Variants in SBF2 observed in about 807,000 individuals in gnomAD.
The protein encoded by SBF2 is SET binding factor 2.
A neutral mutation model predicts 225.2 loss-of-function variants in SBF2; 112 were observed. The observed-to-expected ratio is 0.50, with a 90% CI of 0.43 to 0.58. The LOEUF (loss-of-function observed/expected upper bound fraction) is 0.58. Ranked by LOEUF, SBF2 falls within the 20% of genes least tolerant of loss-of-function variation. The pLI is 0.00. For missense variants in SBF2, 1,996 were observed against 2,206.2 expected (o/e 0.90, Z 1.91); for synonymous variants, 763 against 773.3 (o/e 0.99, Z 0.22).
At chr11:9,989,984 T>A (rs1316268056) in intron 12 of SBF2, among the ~76,000 whole-genome samples, 1 of 152,222 alleles carries the variant, frequency 6.6e-6, no homozygotes, top group Non-Finnish European at 1.5e-5. Flanking sequence ...CTAGCTCTGC[T>A]GACAGTGTGT....
chr11:10,083,440 A>G (rs1951442072), intron 2 of SBF2, among the ~76,000 whole-genome samples: 1 of 152,220 alleles, frequency 6.6e-6, no homozygotes, highest in Admixed American at 6.5e-5. Context: ...ATCCTGAGCA[A>G]AAAGAACAAA....
intron 1 of SBF2, among the ~76,000 whole-genome samples, chr11:10,249,851 G>A (rs1396054931): frequency 7.3e-6 from 1 of 137,014 alleles, no homozygotes; most frequent in African/African-American, 2.7e-5. Flanking sequence ...CTATGGGGGA[G>A]TCCATAGCAT....
chr11:10,039,219 A>G (rs867903525), intron 3 of SBF2, among the ~76,000 whole-genome samples: 6 of 151,946 alleles, frequency 3.9e-5, no homozygotes, highest in Non-Finnish European at 2.9e-5. Context: ...AAAAAGAATT[A>G]AAAGATCTAT....
At chr11:10,213,240 T>C (rs1463497258) in intron 1 of SBF2, among the ~76,000 whole-genome samples, 1 of 152,170 alleles carries the variant, frequency 6.6e-6, no homozygotes, top group African/African-American at 2.4e-5. Context: ...ACACCCATCT[T>C]GGAGGATGTT....
intron 2 of SBF2, among the ~76,000 whole-genome samples, chr11:10,069,389 T>C (rs1442835918): frequency 7.1e-6 from 1 of 140,970 alleles, no homozygotes; most frequent in Non-Finnish European, 1.5e-5. Flanking sequence ...AATTCCCACC[T>C]ATGAGTGAGA....
upstream of SBF2, chr11:10,294,339 T>TGGGGGAGTGGGCGGTC: frequency 3.1e-6 from 1 of 326,956 alleles, no homozygotes; most frequent in Non-Finnish European, 5.6e-6. Flanking sequence ...ACTGCTGCGC[T>TGGGGGAGTGGGCGGTC]GGGGGAGTGG....
intron 1 of SBF2, among the ~76,000 whole-genome samples, chr11:10,210,147 A>T (rs571582317): frequency 6.6e-6 from 1 of 152,046 alleles, no homozygotes; most frequent in African/African-American, 2.4e-5. Flanking sequence ...CTCTACAAAA[A>T]GAACACAAAA....
rs147521818 is a variant in SBF2, at chr11:10,174,158, G to A, written c.141+19744C>T. Among the ~76,000 whole-genome samples, 1,422 of 152,206 alleles carry A rather than the reference G, an allele frequency of 9.3e-3. 21 individuals are homozygous for A. The highest frequency in any genetic ancestry group is 0.014 in the Non-Finnish European group (958 of 68,024). On this transcript the variant is annotated intron_variant, in intron 2 of 39. Transcript: ENST00000256190. ...CACCAGCAACGGAACAAAGCTGGAC[G>A]GAGAATGACTTTGACGAGCTGAGAC...
At chr11:10,173,507 C>A (rs1591130835) in intron 2 of SBF2, among the ~76,000 whole-genome samples, 1 of 152,312 alleles carries the variant, frequency 6.6e-6, no homozygotes, top group Non-Finnish European at 1.5e-5. Flanking sequence ...CTGGGAGGGT[C>A]CTACGCCCAC....
chr11:10,233,489 C>A (rs1372880290), intron 1 of SBF2, among the ~76,000 whole-genome samples: 1 of 151,798 alleles, frequency 6.6e-6, no homozygotes, highest in Non-Finnish European at 1.5e-5. Context: ...TTTTTAAGAT[C>A]TCTAAGCTTA....
chr11:10,303,378 G>A lies in SBF2; in HGVS notation n.386+1114C>T, dbSNP rs1964615849. 1 of 152,342 alleles carries A rather than the reference G, an allele frequency of 6.6e-6. No individual in the cohort carries two copies. The highest frequency in any genetic ancestry group is 2.4e-5 in the African/African-American group (1 of 41,476). 9.4% of individuals were successfully genotyped at this position (152,342 alleles called of 1,614,324 possible). On this transcript the variant is annotated intron_variant and non_coding_transcript_variant, in intron 1 of 5. Transcript: ENST00000685217. The surrounding 1 kb of genome is among the most constrained non-coding windows in gnomAD (Gnocchi z 5.2). ...GCTCAGGTGACTCCTTCCAGGAAGA[G>A]TCCTTAAATAACTTCCGCGCGGCCA... is the stretch of plus-strand genomic sequence containing the variant.
At chr11:10,209,798 T>A (rs145277724) in intron 1 of SBF2, among the ~76,000 whole-genome samples, 1 of 152,188 alleles carries the variant, frequency 6.6e-6, no homozygotes, top group Non-Finnish European at 1.5e-5. Flanking sequence ...CCTAAAACAT[T>A]AATAGCTTAA....
chr11:10,026,903 T>C (rs2134620299), intron 6 of SBF2, among the ~76,000 whole-genome samples: 1 of 152,110 alleles, frequency 6.6e-6, no homozygotes, highest in East Asian at 1.9e-4. Context: ...GCTTTAAATA[T>C]TTTAAGGCTT....
chr11:10,158,537 G>A (rs1249589940), intron 2 of SBF2, among the ~76,000 whole-genome samples: 1 of 152,094 alleles, frequency 6.6e-6, no homozygotes, highest in African/African-American at 2.4e-5. Flanking sequence ...AGATTACTAT[G>A]AACAATCATA....
chr11:9,794,260 A>G (rs1001173917), intron 33 of SBF2, among the ~76,000 whole-genome samples: 1 of 152,048 alleles, frequency 6.6e-6, no homozygotes, highest in Non-Finnish European at 1.5e-5. Flanking sequence ...AACCCCAAAA[A>G]ACACAACTAC....
At chr11:10,140,044 G>T (rs1954567132) in intron 2 of SBF2, among the ~76,000 whole-genome samples, 1 of 152,190 alleles carries the variant, frequency 6.6e-6, no homozygotes, top group East Asian at 1.9e-4. Context: ...ATTGTGATTT[G>T]TAGTAAGAAA....
intron 1 of SBF2, among the ~76,000 whole-genome samples, chr11:10,251,391 A>C (rs1386553097): frequency 6.6e-6 from 1 of 152,250 alleles, no homozygotes; most frequent in African/African-American, 2.4e-5. Context: ...CTATGGTTAC[A>C]CAACAGACTT....
chr11:10,048,900 T>A (rs1371718183), intron 2 of SBF2, among the ~76,000 whole-genome samples: 1 of 152,172 alleles, frequency 6.6e-6, no homozygotes, highest in African/African-American at 2.4e-5. Context: ...AATGTAACCA[T>A]AAGAAAAGTT....
At chr11:9,995,568 T>C (rs1020277747) in intron 9 of SBF2, among the ~76,000 whole-genome samples, 1 of 152,190 alleles carries the variant, frequency 6.6e-6, no homozygotes, top group Non-Finnish European at 1.5e-5. Context: ...TGTGTGTCAA[T>C]GCTCCCAATC....
Sources: gnomAD v4.1 joint callset for allele counts (sites outside exome capture counted in the v4.1 genomes callset) on GRCh38, gnomAD v4.1.1 for gene constraint, Gnocchi (gnomAD v3.1) non-coding constraint, MANE v1.5 for transcripts, NCBI Gene and HGNC (gene_info 2026-07-23, HGNC 2026-07-21) for gene names.